The following TMEM114 variants were observed in gnomAD, a reference collection of about 807,000 sequenced individuals.
TMEM114 encodes the protein claudin-26.
A neutral mutation model predicts 6.2 loss-of-function variants in TMEM114; 6 were observed. That is an observed-to-expected ratio of 0.97 (90% CI 0.53 to 1.91). The LOEUF (loss-of-function observed/expected upper bound fraction) is 1.91, where lower values mean the gene tolerates loss of function less well. TMEM114 is among the 40% of genes most tolerant of loss of function. TMEM114 has a pLI of 0.01. For missense variants in TMEM114, 218 were observed against 158.3 expected (o/e 1.38, Z -2.02); for synonymous variants, 104 against 73.0 (o/e 1.42, Z -2.16).
At chr16:8,560,168 A>ATT (rs150493587) in intron 2 of TMEM114, among the ~76,000 whole-genome samples, 37 of 148,486 alleles carry the variant, frequency 2.5e-4, no homozygotes, top group Non-Finnish European at 3.4e-4. Context: ...ATTTTTTATT[A>ATT]TTTTTTTTTT....
In TMEM114 at chr16:8,569,889, C is replaced by T. The variant is rs1226871548; in HGVS notation, c.556G>A (p.Gly186Ser). 1.3e-6 allele frequency: 2 copies of T among 1,551,066 alleles called. No individual in the cohort carries two copies. Among genetic ancestry groups the T allele is most frequent in the African/African-American group, 1.4e-5 (1 of 73,046 alleles). Residue 186 changes from glycine (G) to serine (S), a missense_variant, in exon 4 of 4, where the codon GGC becomes AGC. Coordinates refer to ENST00000620492, the MANE Select transcript of TMEM114 (RefSeq NM_001146336.2). ...ATCCAGCCCAGGGCCAGGGACCAGCCGAAGCTGATGTCCACCTGGTCCAGG... is the reference window on the plus strand; with the variant it reads ...ATCCAGCCCAGGGCCAGGGACCAGCTGAAGCTGATGTCCACCTGGTCCAGG... ...ALLDQVDISF[G>S]WSLALGWISF...
chr16:8,557,656 T>C (rs865849223), intron 2 of TMEM114, among the ~76,000 whole-genome samples: 2 of 152,308 alleles, frequency 1.3e-5, no homozygotes, highest in African/African-American at 4.8e-5. Context: ...TTGGTCCCTT[T>C]TCCAGAACCA....
intron 2 of TMEM114, among the ~76,000 whole-genome samples, chr16:8,563,237 G>GTGAATGAGTCAGTGAGTGAA (rs1191893242): frequency 6.6e-6 from 1 of 151,794 alleles, no homozygotes; most frequent in Non-Finnish European, 1.5e-5. Context: ...GAATGAGTGA[G>GTGAATGAGTCAGTGAGTGAA]TGAATGAGTC....
downstream of TMEM114, among the ~76,000 whole-genome samples, chr16:8,536,537 A>G (rs1900365470): frequency 6.6e-6 from 1 of 152,230 alleles, no homozygotes; most frequent in Non-Finnish European, 1.5e-5. Context: ...AATCAGCTCA[A>G]GTAATGAAGT....
intron 2 of TMEM114, among the ~76,000 whole-genome samples, chr16:8,547,049 T>G (rs376722617): frequency 1.1e-4 from 17 of 152,342 alleles, no homozygotes; most frequent in African/African-American, 3.8e-4. Flanking sequence ...GTTTATCCAG[T>G]CTGCATATAA....
At chr16:8,537,665 TATG>T (rs1364338591) in exon 3 of TMEM114, 2 of 152,222 alleles carry the variant, frequency 1.3e-5, no homozygotes, top group Non-Finnish European at 2.9e-5. Flanking sequence ...GATAATATCA[TATG>T]ATATCATATG....
chr16:8,568,877 T>C (rs1901629608), downstream of TMEM114, among the ~76,000 whole-genome samples: 1 of 152,194 alleles, frequency 6.6e-6, no homozygotes, highest in African/African-American at 2.4e-5. Context: ...CCCAGGTGAT[T>C]CTAAGAGCAG....
At chr16:8,532,248 AC>A in the TMEM114 span, among the ~76,000 whole-genome samples, 34 of 152,190 alleles carry the variant, frequency 2.2e-4, no homozygotes, top group Non-Finnish European at 4.1e-4. Flanking sequence ...AATTAAATGA[AC>A]GTAACTCCTA....
chr16:8,526,936 G>A, the TMEM114 span, among the ~76,000 whole-genome samples: 4 of 152,182 alleles, frequency 2.6e-5, no homozygotes. Flanking sequence ...GGTGGGGCAC[G>A]GTGGCTCGTG....
chr16:8,561,888 G>GTGAA (rs2081176210), intron 2 of TMEM114, among the ~76,000 whole-genome samples: 1 of 142,546 alleles, frequency 7.0e-6, no homozygotes, highest in South Asian at 2.6e-4. Flanking sequence ...GAATGAGTGA[G>GTGAA]TGAATGAGTA....
At chr16:8,539,484 C>A (rs1400777936) in intron 2 of TMEM114, among the ~76,000 whole-genome samples, 1 of 152,222 alleles carries the variant, frequency 6.6e-6, no homozygotes, top group South Asian at 2.1e-4. Context: ...AGCAGCCTCA[C>A]ATGCCTGGAC....
chr16:8,563,370 GGAAT>G (rs1901358059), intron 2 of TMEM114, among the ~76,000 whole-genome samples: 1 of 118,652 alleles, frequency 8.4e-6, no homozygotes, highest in African/African-American at 3.1e-5. Context: ...AGGGAGGGAG[GGAAT>G]GAGTGAATGA....
intron 2 of TMEM114, among the ~76,000 whole-genome samples, chr16:8,541,686 G>C (rs1049546713): frequency 3.9e-5 from 6 of 152,160 alleles, no homozygotes; most frequent in African/African-American, 1.2e-4. Context: ...GTGAGAAACA[G>C]CAGTCTGTTT....
chr16:8,529,951 G>C, the TMEM114 span, among the ~76,000 whole-genome samples: 9 of 152,150 alleles, frequency 5.9e-5, no homozygotes, highest in Admixed American at 6.5e-5. Flanking sequence ...GTGATGGAAT[G>C]CACATCACTT....
At chr16:8,587,222 T>A (rs1902346252) in intron 2 of TMEM114, among the ~76,000 whole-genome samples, 1 of 152,126 alleles carries the variant, frequency 6.6e-6, no homozygotes, top group South Asian at 2.1e-4. Flanking sequence ...AACCCATATA[T>A]TCATACAATA....
chr16:8,545,915 A>C (rs1294135939), intron 2 of TMEM114, among the ~76,000 whole-genome samples: 3 of 152,076 alleles, frequency 2.0e-5, no homozygotes, highest in Non-Finnish European at 4.4e-5. Context: ...AAGAGTTTGA[A>C]ACCAGCCTGG....
the TMEM114 span, among the ~76,000 whole-genome samples, chr16:8,528,997 G>C: frequency 6.6e-6 from 1 of 152,308 alleles, no homozygotes; most frequent in East Asian, 1.9e-4. Flanking sequence ...TGACAGCTGA[G>C]CACAGGACTA....
chr16:8,572,150 G>A lies in TMEM114; in HGVS notation c.376C>T (p.Leu126=). The A allele has an allele frequency of 1.3e-6, 2 of 1,551,628 alleles. No homozygotes were observed. Among genetic ancestry groups the A allele is most frequent in the Non-Finnish European group, 8.7e-7 (1 of 1,146,972 alleles). ...LMVFGGMTGF[L]SFLLQAYLLL... Reference sequence around the variant, plus strand: ...AGGTAGGCTTGGAGGAGGAAGCTCAGAAACCCCGTCATCCCCCCAAAAACC... The same window carrying A: ...AGGTAGGCTTGGAGGAGGAAGCTCAAAAACCCCGTCATCCCCCCAAAAACC... Residue 126 remains leucine (L), a synonymous_variant, in exon 3 of 4, where the codon CTG becomes TTG. Coordinates refer to ENST00000620492, the MANE Select transcript of TMEM114 (RefSeq NM_001146336.2).
chr16:8,538,542 C>G (rs569494715), intron 2 of TMEM114, among the ~76,000 whole-genome samples: 1 of 151,960 alleles, frequency 6.6e-6, no homozygotes, highest in African/African-American at 2.4e-5. Flanking sequence ...GAGTCTTGCT[C>G]TGTCGCCCAG....
Sources: allele counts gnomAD v4.1 joint callset (sites outside exome capture counted in the v4.1 genomes callset), GRCh38; gene constraint gnomAD v4.1.1; transcripts MANE v1.5; gene names NCBI Gene and HGNC (gene_info 2026-07-23, HGNC 2026-07-21).